The following PDE1A variants were observed in gnomAD, a reference collection of about 807,000 sequenced individuals.
The protein encoded by PDE1A is dual specificity calcium/calmodulin-dependent 3',5'-cyclic nucleotide phosphodiesterase 1A.
In PDE1A, 35 loss-of-function variants were observed where a neutral mutation model predicts 61.7. The ratio of observed to expected loss-of-function variants is 0.57; its 90% CI spans 0.43 to 0.75. The LOEUF (loss-of-function observed/expected upper bound fraction) is 0.75. Ranked by LOEUF, PDE1A falls within the 30% of genes least tolerant of loss-of-function variation. The pLI is 0.00. For missense variants in PDE1A, 597 were observed against 630.6 expected (o/e 0.95, Z 0.57); for synonymous variants, 232 against 213.2 (o/e 1.09, Z -0.77).
chr2:182,419,992 TTAATTATAATAGAATTATAA>T (rs1038853325), intron 1 of PDE1A, among the ~76,000 whole-genome samples: 1 of 151,120 alleles, frequency 6.6e-6, no homozygotes, highest in Non-Finnish European at 1.5e-5. Flanking sequence ...CCTTACTTAA[TTAATTATAATAGAATTATAA>T]TAATTATAAT....
intron 1 of PDE1A, among the ~76,000 whole-genome samples, chr2:182,290,147 T>C (rs1409554123): frequency 6.6e-6 from 1 of 152,106 alleles, no homozygotes; most frequent in Non-Finnish European, 1.5e-5. Context: ...GTGATTGAGA[T>C]CATCAATAAA....
intron 13 of PDE1A, among the ~76,000 whole-genome samples, chr2:182,178,376 G>C (rs983757248): frequency 1.3e-5 from 2 of 152,080 alleles, no homozygotes; most frequent in Non-Finnish European, 2.9e-5. Context: ...GGAGGGAAAA[G>C]CTTAACTCCT....
the PDE1A span, among the ~76,000 whole-genome samples, chr2:182,654,520 A>G: frequency 5.9e-5 from 9 of 152,206 alleles, no homozygotes; most frequent in Non-Finnish European, 1.0e-4. Context: ...GGATCATAGT[A>G]ATATTCCTGT....
At chr2:182,618,620 A>G in the PDE1A span, among the ~76,000 whole-genome samples, 1 of 152,180 alleles carries the variant, frequency 6.6e-6, no homozygotes, top group East Asian at 1.9e-4. Context: ...AATAGAATTG[A>G]CAGTTTTCTC....
chr2:182,368,353 C>T (rs1699949403), intron 1 of PDE1A, among the ~76,000 whole-genome samples: 1 of 149,006 alleles, frequency 6.7e-6, no homozygotes, highest in Admixed American at 6.7e-5. Flanking sequence ...ACCCAAAGGC[C>T]AGACATTGCA....
chr2:182,253,349 A>T (rs1691543515), intron 2 of PDE1A, among the ~76,000 whole-genome samples: 1 of 152,202 alleles, frequency 6.6e-6, no homozygotes, highest in African/African-American at 2.4e-5. Flanking sequence ...GGGATTTTTT[A>T]AAATCAGGAA....
chr2:182,707,044 ATTATAT>A, the PDE1A span, among the ~76,000 whole-genome samples: 1 of 152,358 alleles, frequency 6.6e-6, no homozygotes, highest in Admixed American at 6.5e-5. Flanking sequence ...TATTCCCCCT[ATTATAT>A]TTAAATAACC....
At chr2:182,219,523 T>A (rs138691247) in intron 7 of PDE1A, among the ~76,000 whole-genome samples, 1 of 152,098 alleles carries the variant, frequency 6.6e-6, no homozygotes, top group Non-Finnish European at 1.5e-5. Context: ...AAGTTGAATA[T>A]TGACAACAAA....
intron 2 of PDE1A, among the ~76,000 whole-genome samples, chr2:182,451,137 G>GTATGT: frequency 1.6e-4 from 3 of 18,474 alleles, no homozygotes; most frequent in Non-Finnish European, 2.2e-4. Context: ...CCAGCACTTT[G>GTATGT]GGAGGCCGAG....
chr2:182,548,237 G>A, the PDE1A span, among the ~76,000 whole-genome samples: 2 of 152,152 alleles, frequency 1.3e-5, no homozygotes, highest in Non-Finnish European at 2.9e-5. Context: ...AGATTCAGCT[G>A]TTACTAACAG....
At chr2:182,489,851 G>C (rs1440495034) in intron 2 of PDE1A, among the ~76,000 whole-genome samples, 1 of 152,148 alleles carries the variant, frequency 6.6e-6, no homozygotes. Flanking sequence ...ATATAAATGT[G>C]GCACTAATCG....
the PDE1A span, among the ~76,000 whole-genome samples, chr2:182,713,134 T>C: frequency 2.6e-5 from 4 of 152,200 alleles, no homozygotes; most frequent in African/African-American, 4.8e-5. Context: ...TTTTTGCCCA[T>C]ATATGTTAAA....
chr2:182,661,305 T>C, the PDE1A span, among the ~76,000 whole-genome samples: 1 of 152,224 alleles, frequency 6.6e-6, no homozygotes, highest in Non-Finnish European at 1.5e-5. Context: ...TTCTGAGATT[T>C]TTATGCCTGA....
chr2:182,528,515 G>C, the PDE1A span, among the ~76,000 whole-genome samples: 40 of 152,220 alleles, frequency 2.6e-4, no homozygotes, highest in African/African-American at 9.2e-4. Flanking sequence ...CTGAGGATGT[G>C]ATAGAAAGGA....
At chr2:182,365,566 T>C (rs961656723) in intron 1 of PDE1A, among the ~76,000 whole-genome samples, 1 of 152,022 alleles carries the variant, frequency 6.6e-6, no homozygotes, top group Non-Finnish European at 1.5e-5. Context: ...TAATTATCGG[T>C]TGTAAATTGC....
chr2:182,598,507 G>C, the PDE1A span, among the ~76,000 whole-genome samples: 10 of 151,746 alleles, frequency 6.6e-5, no homozygotes, highest in Non-Finnish European at 1.3e-4. Flanking sequence ...GGGAGGCGGA[G>C]GTTGCAGTGA....
chr2:182,527,319 A>AT (rs1559543360), upstream of PDE1A, among the ~76,000 whole-genome samples: 2 of 48,346 alleles, frequency 4.1e-5, no homozygotes, highest in African/African-American at 1.8e-4. Flanking sequence ...AAAAAAAAAA[A>AT]AAAAAAAAAT....
chr2:182,555,539 C>T, the PDE1A span, among the ~76,000 whole-genome samples: 2 of 152,184 alleles, frequency 1.3e-5, no homozygotes, highest in African/African-American at 4.8e-5. Context: ...ATAACCCTTT[C>T]TTCACATTTA....
At chr2:182,142,719 T>G (rs907553909), downstream of PDE1A, 3 of 152,220 alleles carry the variant, frequency 2.0e-5, no homozygotes, top group Non-Finnish European at 4.4e-5. Flanking sequence ...CTTCTGCACA[T>G]GTATTGCACA....
Sources: gnomAD v4.1 joint callset for allele counts (sites outside exome capture counted in the v4.1 genomes callset) on GRCh38, gnomAD v4.1.1 for gene constraint, MANE v1.5 for transcripts, NCBI Gene and HGNC (gene_info 2026-07-23, HGNC 2026-07-21) for gene names.